The following PACRG variants were observed in gnomAD, a reference collection of about 807,000 sequenced individuals.
PACRG encodes parkin coregulated.
PACRG carries 29 observed loss-of-function variants against 29.7 expected under a neutral mutation model. That is an observed-to-expected ratio of 0.98 (90% confidence interval 0.73 to 1.33). PACRG has a LOEUF of 1.33. Ranked by LOEUF, PACRG falls within the 40% of genes most tolerant of loss-of-function variation. The pLI is 0.00. For synonymous variants in PACRG, 116 were observed against 118.7 expected (o/e 0.98, Z 0.15); for missense variants, 279 against 316.2 (o/e 0.88, Z 0.89).
At chr6:162,966,784 T>A (rs1801072952) in intron 2 of PACRG, among the ~76,000 whole-genome samples, 1 of 152,010 alleles carries the variant, frequency 6.6e-6, no homozygotes, top group Non-Finnish European at 1.5e-5. Context: ...CCCCGACATG[T>A]ATTTTTATAT....
intron 4 of PACRG, among the ~76,000 whole-genome samples, chr6:163,144,651 C>T (rs990122919): frequency 1.3e-5 from 2 of 152,100 alleles, no homozygotes; most frequent in Non-Finnish European, 2.9e-5. Flanking sequence ...TGCCTGTAAT[C>T]CCAGCTACTC....
intron 4 of PACRG, among the ~76,000 whole-genome samples, chr6:163,274,861 CTT>C (rs58333018): frequency 1.1e-4 from 14 of 126,294 alleles, no homozygotes; most frequent in African/African-American, 2.1e-4. Flanking sequence ...TTCTTTCTTT[CTT>C]TTTTTTTTTT....
intron 4 of PACRG, among the ~76,000 whole-genome samples, chr6:163,236,738 T>A (rs986811026): frequency 6.6e-6 from 1 of 152,172 alleles, no homozygotes; most frequent in African/African-American, 2.4e-5. Flanking sequence ...TTAGTCCGTT[T>A]TCACACTGCT....
chr6:163,271,123 G>A (rs1783808963), intron 4 of PACRG, among the ~76,000 whole-genome samples: 1 of 152,160 alleles, frequency 6.6e-6, no homozygotes, highest in Non-Finnish European at 1.5e-5. Context: ...AGAACTTGGA[G>A]TCTGATGTTC....
intron 2 of PACRG, among the ~76,000 whole-genome samples, chr6:162,844,077 T>C (rs1364433321): frequency 7.2e-6 from 1 of 139,640 alleles, no homozygotes; most frequent in Non-Finnish European, 1.5e-5. Flanking sequence ...CCCCCAGAGG[T>C]GGAGCCTACA....
intron 2 of PACRG, among the ~76,000 whole-genome samples, chr6:163,059,756 C>T (rs1036451442): frequency 6.6e-6 from 1 of 152,180 alleles, no homozygotes; most frequent in African/African-American, 2.4e-5. Context: ...ATGCCTACTT[C>T]TTCCAGTCGC....
intron 4 of PACRG, among the ~76,000 whole-genome samples, chr6:163,169,351 A>C (rs1562947891): frequency 6.6e-6 from 1 of 152,102 alleles, no homozygotes; most frequent in African/African-American, 2.4e-5. Context: ...CGGTGGGAGC[A>C]GGCAGAGCTG....
chr6:162,734,305 T>C (rs934461400), intron 1 of PACRG, among the ~76,000 whole-genome samples: 7 of 152,196 alleles, frequency 4.6e-5, no homozygotes, highest in Non-Finnish European at 8.8e-5. Flanking sequence ...AGTCTTTTTT[T>C]CCTGGATTCT....
chr6:162,896,481 A>G (rs1056708588), intron 2 of PACRG, among the ~76,000 whole-genome samples: 1 of 152,234 alleles, frequency 6.6e-6, no homozygotes, highest in Non-Finnish European at 1.5e-5. Context: ...CGAGGGTGGT[A>G]GAGGAGAAAC....
chr6:163,100,996 AT>A, intron 4 of PACRG: 2 of 984,188 alleles, frequency 2.0e-6, no homozygotes, highest in Non-Finnish European at 2.4e-6. Context: ...TCGAAGATCA[AT>A]TTACTTTTTT....
At position 162,948,389 on chromosome 6, in the gene PACRG, A is replaced by G. The variant is rs112805392; in HGVS notation, c.292-113761A>G. Among the ~76,000 whole-genome samples, 405 of 152,236 alleles carry G rather than the reference A, an allele frequency of 2.7e-3. 4 individuals are homozygous for G. The highest frequency in any genetic ancestry group is 8.7e-3 in the African/African-American group (360 of 41,538). ...TATTTCTCACCATATATAAAAACCA[A>G]TCCAGAATGAATTGAACACTTAAAT... On this transcript the variant is annotated intron_variant, in intron 2 of 4. Transcript: ENST00000366888.
At chr6:162,984,997 A>C (rs565553699) in intron 2 of PACRG, among the ~76,000 whole-genome samples, 16 of 151,950 alleles carry the variant, frequency 1.1e-4, no homozygotes, top group Non-Finnish European at 2.2e-4. Context: ...TGCTGTGCAG[A>C]AGCTTAAGGA....
intron 2 of PACRG, among the ~76,000 whole-genome samples, chr6:162,945,284 ACATAT>A (rs1368696975): frequency 6.6e-6 from 1 of 152,118 alleles, no homozygotes; most frequent in Non-Finnish European, 1.5e-5. Flanking sequence ...CTGTAAAGAC[ACATAT>A]AGACTGCCAG....
At chr6:162,967,410 G>T (rs1206346609) in intron 2 of PACRG, among the ~76,000 whole-genome samples, 5 of 152,098 alleles carry the variant, frequency 3.3e-5, no homozygotes, top group African/African-American at 1.2e-4. Context: ...TAGTGTAATA[G>T]ATATGAAATC....
chr6:162,816,494 A>G (rs980960544), intron 2 of PACRG, among the ~76,000 whole-genome samples: 60 of 152,224 alleles, frequency 3.9e-4, no homozygotes, highest in African/African-American at 1.4e-3. Context: ...CTGGGACTAC[A>G]GGCTCCCGCC....
At chr6:163,311,923 G>A (rs143732157) in intron 4 of PACRG, among the ~76,000 whole-genome samples, 1,854 of 152,140 alleles carry the variant, frequency 0.012, 18 homozygotes, top group Non-Finnish European at 0.017. Flanking sequence ...GATCTTCCAC[G>A]CCCTTTCCCT....
intron 2 of PACRG, among the ~76,000 whole-genome samples, chr6:162,986,856 T>C (rs1802937872): frequency 6.6e-6 from 1 of 152,150 alleles, no homozygotes; most frequent in East Asian, 1.9e-4. Flanking sequence ...GTGTCTTTTA[T>C]TTCCAGAAGT....
At chr6:163,073,656 T>A (rs1812280107) in intron 3 of PACRG, among the ~76,000 whole-genome samples, 1 of 152,152 alleles carries the variant, frequency 6.6e-6, no homozygotes. Context: ...TCTCACAGAA[T>A]GGGAGAAAAT....
intron 4 of PACRG, among the ~76,000 whole-genome samples, chr6:163,151,870 A>G (rs1163073625): frequency 6.6e-6 from 1 of 152,248 alleles, no homozygotes; most frequent in African/African-American, 2.4e-5. Context: ...GTGTTACATA[A>G]CAATCACTTC....
Sources: gnomAD v4.1 joint callset for allele counts (sites outside exome capture counted in the v4.1 genomes callset) on GRCh38, gnomAD v4.1.1 for gene constraint, MANE v1.5 for transcripts, NCBI Gene and HGNC (gene_info 2026-07-23, HGNC 2026-07-21) for gene names.